ROS1: variants seen among roughly 807,000 people sequenced by gnomAD.
ROS1 encodes the protein proto-oncogene tyrosine-protein kinase ROS.
ROS1 carries 263 observed loss-of-function variants against 273.5 expected under a neutral mutation model. The observed-to-expected ratio is 0.96, with a 90% CI of 0.87 to 1.06. The LOEUF (loss-of-function observed/expected upper bound fraction) is 1.06, where lower values mean the gene tolerates loss of function less well. Among genes scored for constraint, ROS1 ranks in the 50% least tolerant of loss-of-function variants. ROS1 has a pLI of 0.00. For missense variants in ROS1, 2,833 were observed against 2,751.1 expected (o/e 1.03, Z -0.67); for synonymous variants, 1,008 against 954.1 (o/e 1.06, Z -1.04).
chr6:117,339,494 C>T (rs1777748941), intron 31 of ROS1, among the ~76,000 whole-genome samples: 1 of 152,094 alleles, frequency 6.6e-6, no homozygotes, highest in African/African-American at 2.4e-5. Context: ...TTTCAGTATG[C>T]AGTTACGGTA....
At chr6:117,389,223 T>A in intron 13 of ROS1, 127 bp downstream of exon 13, 1 of 1,074,634 alleles carries the variant, frequency 9.3e-7, no homozygotes, top group Non-Finnish European at 1.4e-6. Context: ...TTTAGCTAAG[T>A]AGCTGCTTCT....
At chr6:117,353,215 A>AT in intron 26 of ROS1, 49 bp from the exon 27 acceptor site, 3 of 1,316,464 alleles carry the variant, frequency 2.3e-6, no homozygotes, top group Non-Finnish European at 3.1e-6. Context: ...AATATCTTAC[A>AT]TTTTTTACTC....
chr6:117,310,316 T>C lies in ROS1; in HGVS notation c.6216-35A>G, dbSNP rs1334302245. 5.7e-5 allele frequency: 78 copies of C among 1,379,784 alleles called. 2 individuals carry two copies. In the South Asian group the frequency reaches 6.5e-4, roughly 12 times the overall value. 85.5% of individuals were successfully genotyped at this position (1,379,784 alleles called of 1,614,324 possible). On this transcript the variant is annotated intron_variant, in intron 40 of 43. Coordinates refer to ENST00000368507, the MANE Select transcript of ROS1 (RefSeq NM_001378902.1). The stretch of plus-strand genomic sequence containing the variant: ...AAGTTATATTTAATAATAATAATAA[T>C]AACAACAATAAAGTTCCAGAAATCA...
intron 43 of ROS1, among the ~76,000 whole-genome samples, chr6:117,291,015 G>T (rs1224013912): frequency 6.6e-6 from 1 of 152,088 alleles, no homozygotes; most frequent in Non-Finnish European, 1.5e-5. Flanking sequence ...GCCTTGAAAG[G>T]TCTGTTGCAC....
intron 27 of ROS1, among the ~76,000 whole-genome samples, 194 bp from the exon 28 acceptor site, chr6:117,344,456 A>G (rs1208349503): frequency 1.3e-5 from 2 of 152,186 alleles, no homozygotes; most frequent in Non-Finnish European, 2.9e-5. Flanking sequence ...CTGCAGCTTG[A>G]TACTGTGTGT....
At chr6:117,390,726 A>C (rs1772999801) in intron 12 of ROS1, among the ~76,000 whole-genome samples, 1 of 152,180 alleles carries the variant, frequency 6.6e-6, no homozygotes, top group African/African-American at 2.4e-5. Flanking sequence ...TATAAACCAC[A>C]AAGAAATACC....
Position 117,387,959 on chromosome 6 carries a change from A to C in ROS1, c.1820T>G (p.Val607Gly). The C allele has an allele frequency of 6.2e-7, 1 of 1,614,106 alleles. No homozygotes were observed. The highest frequency in any genetic ancestry group is 8.5e-7 in the Non-Finnish European group (1 of 1,179,986). The change falls in exon 14 of 44, where the codon GTG (valine) becomes GGG (glycine). Residue 607 changes from valine to glycine, a missense_variant. Coordinates refer to ENST00000368507, the MANE Select transcript of ROS1 (RefSeq NM_001378902.1). ...PSAWQNWTYEVKVSTQDPPEV... is the reference protein window; with the variant it reads ...PSAWQNWTYEGKVSTQDPPEV... ...AGGAGGGTCTTGGGTGGATACTTTC[A>C]CCTCATAGGTCCAGTTCTGCCAGGC...
intron 1 of ROS1, among the ~76,000 whole-genome samples, chr6:117,425,105 G>A (rs951448279): frequency 3.9e-5 from 6 of 152,092 alleles, no homozygotes; most frequent in Admixed American, 3.9e-4. Flanking sequence ...TATTTTACAT[G>A]GCAACTGTAT....
At chr6:117,382,144 CA>C (rs201415858) in intron 17 of ROS1, among the ~76,000 whole-genome samples, 5 of 149,012 alleles carry the variant, frequency 3.4e-5, no homozygotes, top group Middle Eastern at 3.2e-3. Flanking sequence ...TTTTGAAAAA[CA>C]AAAAAAAATG....
Position 117,389,623 on chromosome 6 carries a change from A to G in ROS1, c.1513T>C (p.Phe505Leu), listed in dbSNP as rs981528087. The change falls in exon 13 of 44, where the codon TTT becomes CTT. Residue 505 changes from phenylalanine (F) to leucine (L), a missense_variant. Coordinates refer to ENST00000368507, the MANE Select transcript of ROS1 (RefSeq NM_001378902.1). Reference sequence around the variant, plus strand: ...CAAGCAAAACTTTTCACATCAGCAAAGGGGATGCGAGGTAGGATGAGATGG... The same window carrying G: ...CAAGCAAAACTTTTCACATCAGCAAGGGGGATGCGAGGTAGGATGAGATGG... The part of the protein sequence containing the change: ...ASHLILPRIP[F>L]ADVKSFACEN... The G allele has an allele frequency of 1.2e-6, 2 of 1,614,108 alleles. No individual in the cohort carries two copies. Among genetic ancestry groups the G allele is most frequent in the African/African-American group, 2.7e-5 (2 of 74,938 alleles).
intron 41 of ROS1, 42 bp from the exon 42 acceptor site, chr6:117,308,970 A>G (rs1775327949): frequency 6.3e-7 from 1 of 1,589,296 alleles, no homozygotes; most frequent in African/African-American, 1.4e-5. Flanking sequence ...ACTTATTACA[A>G]ACACCAGGTT....
Position 117,366,194 on chromosome 6 carries a change from G to A in ROS1, c.2679C>T (p.Ile893=). The change falls in exon 19 of 44, where the codon ATC becomes ATT. Residue 893 remains isoleucine (I), a synonymous_variant. Transcript: ENST00000368507. ...LMYYSGRLFW[I]NGFRIITTQE... ...GAGTTGTGATAATCCTAAAGCCATT[G>A]ATCCAGAACAGCCGACCACTATAGT... The A allele has an allele frequency of 1.1e-5, 18 of 1,613,990 alleles. No homozygotes were observed. The highest frequency in any genetic ancestry group is 1.5e-5 in the Non-Finnish European group (18 of 1,179,912).
At chr6:117,383,236 T>C (rs1016942768) in intron 17 of ROS1, 81 bp downstream of exon 17, 4 of 1,115,728 alleles carry the variant, frequency 3.6e-6, no homozygotes, top group African/African-American at 1.5e-5. Flanking sequence ...CTTTAAGTAC[T>C]CACAATAAGC....
intron 5 of ROS1, among the ~76,000 whole-genome samples, chr6:117,408,762 C>G (rs1391057250): frequency 7.2e-5 from 11 of 152,106 alleles, no homozygotes. Flanking sequence ...GACACATGCA[C>G]ACGTATGTTT....
chr6:117,309,161 C>G (rs569779073), intron 41 of ROS1, among the ~76,000 whole-genome samples: 1 of 152,326 alleles, frequency 6.6e-6, no homozygotes, highest in South Asian at 2.1e-4. Flanking sequence ...AGGAGGCACA[C>G]ATGTGCACAC....
At position 117,394,651 on chromosome 6, in the gene ROS1, C is replaced by T; in HGVS notation, c.971G>A (p.Cys324Tyr). Residue 324 changes from cysteine to tyrosine, a missense_variant, in exon 10 of 44, where the codon TGC becomes TAC. By Grantham distance (194) the Cys-to-Tyr change is radical. Coordinates refer to ENST00000368507, the MANE Select transcript of ROS1 (RefSeq NM_001378902.1). ...SLKHLVDEAHCLRLDAIYHNI... is the reference protein window; with the variant it reads ...SLKHLVDEAHYLRLDAIYHNI... ...ATGGTATATAGCATCCAACCGAAGGCAATGTGCTTCATCTACTAAATGTTT... is the reference window on the plus strand; with the variant it reads ...ATGGTATATAGCATCCAACCGAAGGTAATGTGCTTCATCTACTAAATGTTT... The T allele has an allele frequency of 6.2e-7, 1 of 1,611,384 alleles. No homozygotes were observed. Among genetic ancestry groups the T allele is most frequent in the Non-Finnish European group, 8.5e-7 (1 of 1,178,168 alleles).
chr6:117,375,849 T>A (rs565826661), intron 18 of ROS1, among the ~76,000 whole-genome samples: 4 of 151,956 alleles, frequency 2.6e-5, no homozygotes, highest in Non-Finnish European at 5.9e-5. Context: ...AAAAGAACAA[T>A]AGGCAAATCA....
intron 32 of ROS1, among the ~76,000 whole-genome samples, chr6:117,334,773 A>G (rs1015357820): frequency 6.6e-6 from 1 of 152,222 alleles, no homozygotes; most frequent in African/African-American, 2.4e-5. Flanking sequence ...TGGTGCTGGG[A>G]AAACTGGCTA....
intron 43 of ROS1, among the ~76,000 whole-genome samples, chr6:117,290,595 G>A (rs1404362078): frequency 1.3e-5 from 2 of 152,186 alleles, no homozygotes; most frequent in Admixed American, 6.5e-5. Context: ...TATGCCGGCT[G>A]ACTGGCTATG....
Sources: allele counts gnomAD v4.1 joint callset (sites outside exome capture counted in the v4.1 genomes callset), GRCh38; gene constraint gnomAD v4.1.1; transcripts MANE v1.5; gene names NCBI Gene and HGNC (gene_info 2026-07-23, HGNC 2026-07-21).